Variants in NDUFV3 observed in about 807,000 individuals in gnomAD.
NDUFV3 encodes NADH:ubiquinone oxidoreductase subunit V3.
In NDUFV3, 44 loss-of-function variants were observed where a neutral mutation model predicts 37.5. That is an observed-to-expected ratio of 1.17 (90% confidence interval 0.92 to 1.51). NDUFV3 has a LOEUF of 1.51. Among genes scored for constraint, NDUFV3 ranks in the 40% most tolerant of loss-of-function variants. NDUFV3 has a pLI of 0.00. For missense variants in NDUFV3, 580 were observed against 580.4 expected (o/e 1.00, Z 0.01); for synonymous variants, 235 against 239.3 (o/e 0.98, Z 0.17).
chr21:42,899,277 G>GTTTTTTTTTTTTTTTTTTTT (rs370812043), intron 2 of NDUFV3, among the ~76,000 whole-genome samples: 4 of 141,130 alleles, frequency 2.8e-5, no homozygotes, highest in African/African-American at 5.3e-5. Flanking sequence ...GTTGTATCTT[G>GTTTTTTTTTTTTTTTTTTTT]TTTTTTTTTG....
chr21:42,905,863 ATTTT>A (rs10583572), intron 3 of NDUFV3, among the ~76,000 whole-genome samples: 55 of 132,924 alleles, frequency 4.1e-4, no homozygotes, highest in African/African-American at 1.3e-3. Flanking sequence ...TGATGTTACC[ATTTT>A]TTTTTTTTTT....
At chr21:42,904,346 A>T (rs747723520) in intron 3 of NDUFV3, 70 bp downstream of exon 3, 1 of 1,543,330 alleles carries the variant, frequency 6.5e-7, no homozygotes, top group East Asian at 2.4e-5. Context: ...ACTAATTTAC[A>T]TATGCTTGTA....
At position 42,903,955 on chromosome 21, in the gene NDUFV3, G is replaced by A. The variant is rs374616859; in HGVS notation, c.943G>A (p.Glu315Lys). 3.1e-6 allele frequency: 5 copies of A among 1,613,532 alleles called. No individual in the cohort carries two copies. The highest frequency in any genetic ancestry group is 3.4e-6 in the Non-Finnish European group (4 of 1,179,706). The change falls in exon 3 of 4, where the codon GAG becomes AAG. Residue 315 changes from glutamate (E) to lysine (K), a missense_variant. By Grantham distance (56) the Glu-to-Lys change is moderately conservative. Transcript: ENST00000354250. ...CCCAGCGCCTGCTGTGTTGGCAGAA[G>A]AGGCCAGAGCAGAGGGGCAGCTGCA... is the stretch of plus-strand genomic sequence containing the variant. ...GSPAPAVLAE[E>K]ARAEGQLQAS... is the part of the protein sequence containing the mutation.
rs776078272 is a variant in NDUFV3, at chr21:42,903,658, G to A, written c.646G>A (p.Val216Met). 3.1e-6 allele frequency: 5 copies of A among 1,614,014 alleles called. No individual in the cohort carries two copies. In the African/African-American group the frequency reaches 6.7e-5, roughly 22 times the overall value. ...GAAAACCTTGCTGCAGAAGCCGCAT[G>A]TGGACATTACTGATCCAGAGAAGCC... is the stretch of plus-strand genomic sequence containing the variant. ...KEKTLLQKPH[V>M]DITDPEKPHQ... Residue 216 changes from valine (V) to methionine (M), a missense_variant, in exon 3 of 4, where the codon GTG becomes ATG. By Grantham distance (21) the Val-to-Met change is conservative. Coordinates refer to ENST00000354250, the MANE Select transcript of NDUFV3 (RefSeq NM_021075.4).
rs1481747503 is a variant in NDUFV3, at chr21:42,893,369, C to T, written c.36C>T (p.Ala12=). The T allele has an allele frequency of 5.9e-6, 9 of 1,537,762 alleles. No individual in the cohort carries two copies. The highest frequency in any genetic ancestry group is 3.9e-5 in the Admixed American group (2 of 50,962). The change falls in exon 1 of 4, where the codon GCC becomes GCT. Residue 12 remains alanine, a synonymous_variant. Transcript: ENST00000354250. Reference sequence around the variant, plus strand: ...CGTGTTTGCTGCGGCAAGGACGAGCCGGGGCGCTGAAGGTAAAGGAGGAGC... The same window carrying T: ...CGTGTTTGCTGCGGCAAGGACGAGCTGGGGCGCTGAAGGTAAAGGAGGAGC... ...AAPCLLRQGR[A]GALKTMLQEA...
Position 42,903,892 on chromosome 21 carries a change from C to G in NDUFV3, c.880C>G (p.His294Asp), listed in dbSNP as rs369054774. The change falls in exon 3 of 4, where the codon CAC (histidine) becomes GAC (aspartate). Residue 294 changes from histidine (H) to aspartate (D), a missense_variant. His to Asp is a moderately conservative substitution (Grantham distance 81, BLOSUM62 -1). Transcript: ENST00000354250. ...TGAAGTTAAAGGACCCTTACCTGTC[C>G]ACACAAAATCAGGGTTGTCTGCGCC... The part of the protein sequence containing the change: ...PFEVKGPLPV[H>D]TKSGLSAPPK... 2.3e-5 allele frequency: 37 copies of G among 1,611,748 alleles called. No homozygotes were observed. The African/African-American group carries it at 4.4e-4, about 19-fold the overall frequency.
At chr21:42,901,524 C>T (rs968361889) in intron 2 of NDUFV3, among the ~76,000 whole-genome samples, 6 of 152,014 alleles carry the variant, frequency 3.9e-5, no homozygotes, top group Middle Eastern at 3.4e-3. Context: ...TCACTTGAGC[C>T]CAGGAGGCGG....
chr21:42,909,426 G>A lies in NDUFV3; in HGVS notation c.*405G>A, dbSNP rs2058759274. The A allele has an allele frequency of 7.3e-6, 2 of 275,354 alleles. No homozygotes were observed. Among genetic ancestry groups the A allele is most frequent in the African/African-American group, 4.4e-5 (2 of 45,204 alleles). 17.1% of individuals were successfully genotyped at this position (275,354 alleles called of 1,614,324 possible). On this transcript the variant is annotated 3_prime_UTR_variant, in exon 4 of 4. Coordinates refer to ENST00000354250, the MANE Select transcript of NDUFV3 (RefSeq NM_021075.4). ...CAAAGTGCTGGGATTACAGGCGTGA[G>A]CCACTGCGCCCGGCCACTTTCACAC...
At chr21:42,897,523 G>A (rs1369793037) in intron 2 of NDUFV3, among the ~76,000 whole-genome samples, 1 of 152,050 alleles carries the variant, frequency 6.6e-6, no homozygotes, top group African/African-American at 2.4e-5. Context: ...ACAGGCATGT[G>A]CCACCACGTC....
At chr21:42,897,093 A>ATTAATG (rs761226642) in intron 2 of NDUFV3, 46 bp downstream of exon 2, 1 of 1,608,154 alleles carries the variant, frequency 6.2e-7, no homozygotes, top group Non-Finnish European at 8.5e-7. Context: ...TGCAAAAAGA[A>ATTAATG]AATAGATTAG....
At chr21:42,905,132 ATTTC>A (rs1223945720) in intron 3 of NDUFV3, among the ~76,000 whole-genome samples, 7 of 151,964 alleles carry the variant, frequency 4.6e-5, no homozygotes, top group African/African-American at 1.5e-4. Context: ...ACTCTTCACT[ATTTC>A]TTAACCGGTA....
intron 2 of NDUFV3, among the ~76,000 whole-genome samples, chr21:42,901,998 C>T (rs530513979): frequency 9.7e-4 from 147 of 152,310 alleles, no homozygotes; most frequent in African/African-American, 3.2e-3. Context: ...CACCTGAGGT[C>T]GGGAGTTCGA....
intron 1 of NDUFV3, among the ~76,000 whole-genome samples, chr21:42,894,342 AT>A (rs1296668028): frequency 3.8e-5 from 2 of 52,084 alleles, no homozygotes; most frequent in African/African-American, 4.0e-4. Context: ...TATTATATAT[AT>A]TATATATAAA....
In NDUFV3 at chr21:42,911,612, T is replaced by C. The variant is rs1284263248; in HGVS notation, c.*2591T>C. 1 of 152,018 alleles carries C rather than the reference T, an allele frequency of 6.6e-6. No homozygotes were observed. The highest frequency in any genetic ancestry group is 1.5e-5 in the Non-Finnish European group (1 of 68,030). The allele number at this position is 152,018 out of a possible 1,614,324, so 9.4% of individuals were successfully genotyped here. ...ACTGGCCACCATGTCCGCCTAATTT[T>C]TCTATTTTTTGTAGAGACAGGGTTC... On this transcript the variant is annotated 3_prime_UTR_variant, in exon 4 of 4. Transcript: ENST00000354250.
At chr21:42,897,167 C>A in intron 2 of NDUFV3, 120 bp downstream of exon 2, 1 of 1,149,618 alleles carries the variant, frequency 8.7e-7, no homozygotes, top group Non-Finnish European at 1.3e-6. Context: ...TCCTTTTCAG[C>A]AGTGTCCAGA....
intron 1 of NDUFV3, 123 bp downstream of exon 1, chr21:42,893,504 C>T: frequency 9.1e-7 from 1 of 1,104,596 alleles, no homozygotes; most frequent in Non-Finnish European, 1.3e-6. Context: ...CTAGTTGGGC[C>T]GCTGACCCCG....
chr21:42,904,363 T>G, intron 3 of NDUFV3, 87 bp downstream of exon 3: 1 of 1,527,366 alleles, frequency 6.5e-7, no homozygotes, highest in Non-Finnish European at 8.9e-7. Flanking sequence ...TGTAGAGCAG[T>G]GTTACAATTA....
chr21:42,904,352 T>C, intron 3 of NDUFV3, 76 bp downstream of exon 3: 1 of 1,538,016 alleles, frequency 6.5e-7, no homozygotes, highest in South Asian at 1.2e-5. Context: ...TTACATATGC[T>C]TGTAGAGCAG....
In NDUFV3 at chr21:42,909,926, C is replaced by A. The variant is rs890814839; in HGVS notation, c.*905C>A. 11 of 151,750 alleles carry A rather than the reference C, an allele frequency of 7.2e-5. No individual in the cohort carries two copies. The highest frequency in any genetic ancestry group is 2.4e-4 in the African/African-American group (10 of 41,300). 9.4% of individuals were successfully genotyped at this position (151,750 alleles called of 1,614,324 possible). On this transcript the variant is annotated 3_prime_UTR_variant, in exon 4 of 4. Transcript: ENST00000354250. The stretch of plus-strand genomic sequence containing the variant: ...GGTCTTAAACTCCTGACCTCATGAT[C>A]TACCTGCCTCAGCCTCCCAAAATGC...
Sources: allele counts gnomAD v4.1 joint callset (sites outside exome capture counted in the v4.1 genomes callset), GRCh38; gene constraint gnomAD v4.1.1; transcripts MANE v1.5; gene names NCBI Gene and HGNC (gene_info 2026-07-23, HGNC 2026-07-21).